APBA2: variants seen among roughly 807,000 people sequenced by gnomAD.
The protein encoded by APBA2 is amyloid beta precursor protein binding family A member 2, also known as amyloid-beta A4 precursor protein-binding family A member 2.
In APBA2, 30 loss-of-function variants were observed where a neutral mutation model predicts 75.0. That is an observed-to-expected ratio of 0.40 (90% CI 0.30 to 0.54). APBA2 has a LOEUF of 0.54. Among genes scored for constraint, APBA2 ranks in the 20% least tolerant of loss-of-function variants. APBA2 has a pLI of 0.49. For synonymous variants in APBA2, 444 were observed against 409.6 expected (o/e 1.08, Z -1.01); for missense variants, 801 against 1,016.1 (o/e 0.79, Z 2.88).
chr15:29,060,319 C>T (rs1255859599), intron 4 of APBA2, among the ~76,000 whole-genome samples: 1 of 152,068 alleles, frequency 6.6e-6, no homozygotes, highest in East Asian at 1.9e-4. Context: ...AGGGTTAGTC[C>T]CGTGTTGCAG....
rs911813851 is a variant in APBA2 at position 29,107,493 on chromosome 15, C to G, written c.1917+674C>G. ...TCCCCACCCTGCTGTGGTCTTGGTGCTGGAGGAAGCGCCTTCCTCCTCTTT... is the reference window on the plus strand; with the variant it reads ...TCCCCACCCTGCTGTGGTCTTGGTGGTGGAGGAAGCGCCTTCCTCCTCTTT... On this transcript the variant is annotated intron_variant, in intron 12 of 14. Coordinates refer to ENST00000683413, the MANE Select transcript of APBA2 (RefSeq NM_001353788.2). Among the ~76,000 whole-genome samples, 7 of 152,332 alleles carry G rather than the reference C, an allele frequency of 4.6e-5. No homozygotes were observed. The East Asian group carries it at 5.8e-4, about 13-fold the overall frequency.
intron 2 of APBA2, among the ~76,000 whole-genome samples, chr15:28,922,633 C>T (rs916212500): frequency 1.3e-5 from 2 of 152,190 alleles, no homozygotes; most frequent in Non-Finnish European, 1.5e-5. Flanking sequence ...TTCTGACACA[C>T]TGCTCTCCCT....
chr15:28,952,561 A>G (rs189358983), intron 2 of APBA2, among the ~76,000 whole-genome samples: 2 of 152,278 alleles, frequency 1.3e-5, no homozygotes, highest in Admixed American at 6.5e-5. Flanking sequence ...GGTACCTGCT[A>G]TCCAGTTTAA....
intron 13 of APBA2, among the ~76,000 whole-genome samples, chr15:29,112,195 G>A (rs1224054918): frequency 2.0e-5 from 3 of 152,220 alleles, no homozygotes; most frequent in Admixed American, 2.0e-4. Flanking sequence ...GGCAGGGACT[G>A]GGGTTCCCCT....
intron 8 of APBA2, among the ~76,000 whole-genome samples, chr15:29,097,901 G>A (rs573964631): frequency 6.6e-6 from 1 of 152,298 alleles, no homozygotes; most frequent in South Asian, 2.1e-4. Context: ...GTGAGATGGT[G>A]CAGTATTTAT....
intron 2 of APBA2, among the ~76,000 whole-genome samples, chr15:28,974,243 G>T (rs944306142): frequency 1.5e-4 from 23 of 152,248 alleles, no homozygotes; most frequent in African/African-American, 5.5e-4. Context: ...AAACAAAGAG[G>T]GCCGCTGTCA....
At chr15:29,027,076 G>T (rs1478754804) in intron 3 of APBA2, among the ~76,000 whole-genome samples, 1 of 152,188 alleles carries the variant, frequency 6.6e-6, no homozygotes, top group African/African-American at 2.4e-5. Context: ...GTCATGACGT[G>T]TTAGTTTTTA....
intron 4 of APBA2, among the ~76,000 whole-genome samples, chr15:29,063,277 G>A (rs1180989474): frequency 2.2e-5 from 3 of 138,958 alleles, no homozygotes; most frequent in Admixed American, 2.1e-4. Context: ...TGTATGGGTG[G>A]GGAGGGGAGT....
intron 2 of APBA2, among the ~76,000 whole-genome samples, chr15:28,942,677 C>T (rs998994816): frequency 2.6e-5 from 4 of 152,210 alleles, no homozygotes; most frequent in African/African-American, 9.6e-5. Flanking sequence ...CCATCAGACC[C>T]AGGGACACAT....
chr15:29,012,342 T>C (rs1464326834), intron 3 of APBA2, among the ~76,000 whole-genome samples: 1 of 152,210 alleles, frequency 6.6e-6, no homozygotes, highest in Non-Finnish European at 1.5e-5. Context: ...ATAGAATATC[T>C]TTAAATTTGA....
At chr15:29,045,103 C>CTCTCTCTCTCTT (rs57446098) in intron 3 of APBA2, among the ~76,000 whole-genome samples, 5,313 of 140,190 alleles carry the variant, frequency 0.038, 299 homozygotes, top group African/African-American at 0.072. Context: ...CTCTCTCTCT[C>CTCTCTCTCTCTT]GTCTCGCACT....
At chr15:29,075,475 C>G (rs1274799984) in intron 5 of APBA2, among the ~76,000 whole-genome samples, 1 of 152,086 alleles carries the variant, frequency 6.6e-6, no homozygotes, top group East Asian at 1.9e-4. Flanking sequence ...TACCCCATCC[C>G]CATCCCTGAT....
chr15:29,042,403 G>C (rs1189131065), intron 3 of APBA2, among the ~76,000 whole-genome samples: 1 of 152,036 alleles, frequency 6.6e-6, no homozygotes, highest in Non-Finnish European at 1.5e-5. Context: ...CTCCTGAGTA[G>C]CTGGGACTAC....
At chr15:29,029,352 G>A in intron 3 of APBA2, among the ~76,000 whole-genome samples, 1 of 150,296 alleles carries the variant, frequency 6.7e-6, no homozygotes, top group Non-Finnish European at 1.5e-5. Context: ...AAACCCCTCT[G>A]TAGTAAATGT....
At chr15:29,041,533 G>A (rs1307804889) in intron 3 of APBA2, among the ~76,000 whole-genome samples, 13 of 146,996 alleles carry the variant, frequency 8.8e-5, no homozygotes, top group Non-Finnish European at 1.9e-4. Flanking sequence ...ATTTACAATA[G>A]CATCCCCCCA....
At chr15:28,909,072 C>T (rs1179384812) in intron 1 of APBA2, among the ~76,000 whole-genome samples, 11 of 151,688 alleles carry the variant, frequency 7.3e-5, no homozygotes, top group South Asian at 4.2e-4. Context: ...CAGCAAGCTC[C>T]GCCTGCTAGG....
At chr15:29,053,760 G>C in intron 3 of APBA2, 85 bp from the exon 4 acceptor site, 3 of 796,570 alleles carry the variant, frequency 3.8e-6, no homozygotes, top group Non-Finnish European at 6.0e-6. Context: ...AGGACGTGGT[G>C]GGAGGTGCTG....
chr15:28,907,752 A>G (rs746832718), intron 1 of APBA2, among the ~76,000 whole-genome samples: 6 of 152,148 alleles, frequency 3.9e-5, no homozygotes, highest in Non-Finnish European at 8.8e-5. Context: ...TCATAAAATG[A>G]ATGGGCACCT....
intron 4 of APBA2, among the ~76,000 whole-genome samples, chr15:29,071,674 G>A (rs891016222): frequency 1.4e-5 from 2 of 147,464 alleles, no homozygotes; most frequent in Admixed American, 1.4e-4. Context: ...CCCCAACCCC[G>A]CCACCCCTGA....
Sources: gnomAD v4.1 joint callset for allele counts (sites outside exome capture counted in the v4.1 genomes callset) on GRCh38, gnomAD v4.1.1 for gene constraint, MANE v1.5 for transcripts, NCBI Gene and HGNC (gene_info 2026-07-23, HGNC 2026-07-21) for gene names.